Variants in CADM2 observed in about 807,000 individuals in gnomAD.
The protein encoded by CADM2 is cell adhesion molecule 2.
CADM2 carries 12 observed loss-of-function variants against 49.8 expected under a neutral mutation model. The observed-to-expected ratio is 0.24, with a 90% CI of 0.15 to 0.39. The LOEUF is 0.39. Ranked by LOEUF, CADM2 falls within the 10% of genes least tolerant of loss-of-function variation. CADM2 has a pLI of 1.00. For synonymous variants in CADM2, 214 were observed against 175.4 expected (o/e 1.22, Z -1.74); for missense variants, 378 against 492.3 (o/e 0.77, Z 2.20).
In CADM2 at chr3:85,509,949, C is replaced by A. The variant is rs978928724; in HGVS notation, c.62-216573C>A. 2.0e-5 allele frequency among the ~76,000 whole-genome samples: 3 copies of A among 151,986 alleles called. No individual in the cohort carries two copies. In the East Asian group the frequency reaches 5.8e-4, roughly 29 times the overall value. On this transcript the variant is annotated intron_variant, in intron 1 of 9. Coordinates refer to ENST00000383699, the MANE Select transcript of CADM2 (RefSeq NM_001167675.2). ...CACAGAGTGCCAATATTCCTATAATCATGGTAATAATAATTTAGAATATGC... is the reference window on the plus strand; with the variant it reads ...CACAGAGTGCCAATATTCCTATAATAATGGTAATAATAATTTAGAATATGC...
Position 85,599,422 on chromosome 3 carries a change from G to A in CADM2, c.62-127100G>A, listed in dbSNP as rs72911218. ...ATCATTTCACATAGTGTTAGCCATC[G>A]AGCACAAGGTCACACAGCTGGTAGC... is the stretch of plus-strand genomic sequence containing the variant. On this transcript the variant is annotated intron_variant, in intron 1 of 9. Coordinates refer to ENST00000383699, the MANE Select transcript of CADM2 (RefSeq NM_001167675.2). 3.8e-3 allele frequency among the ~76,000 whole-genome samples: 580 copies of A among 151,992 alleles called. 8 individuals are homozygous for A. The highest frequency in any genetic ancestry group is 0.013 in the African/African-American group (536 of 41,508).
intron 1 of CADM2, among the ~76,000 whole-genome samples, chr3:85,187,918 G>A (rs2041103235): frequency 2.6e-5 from 4 of 151,776 alleles, no homozygotes; most frequent in African/African-American, 9.7e-5. Context: ...AATTTAATTA[G>A]GAGTGTTTTC....
chr3:85,404,574 G>T (rs1159504466), intron 1 of CADM2, among the ~76,000 whole-genome samples: 1 of 151,828 alleles, frequency 6.6e-6, no homozygotes, highest in Non-Finnish European at 1.5e-5. Context: ...ATTAATTTCA[G>T]GAAAAATAAT....
chr3:85,537,148 T>C (rs1046515734), intron 1 of CADM2, among the ~76,000 whole-genome samples: 3 of 152,134 alleles, frequency 2.0e-5, no homozygotes, highest in African/African-American at 7.2e-5. Context: ...AGAAACAGTA[T>C]ACTTAGTTCT....
intron 8 of CADM2, chr3:85,979,094 T>C: frequency 6.5e-7 from 1 of 1,532,520 alleles, no homozygotes; most frequent in Non-Finnish European, 8.9e-7. Flanking sequence ...GTATTTATAA[T>C]TTGAATCATT....
At chr3:86,064,328 G>C (rs1553732493) in intron 8 of CADM2, among the ~76,000 whole-genome samples, 2 of 152,040 alleles carry the variant, frequency 1.3e-5, no homozygotes, top group Non-Finnish European at 2.9e-5. Context: ...CCTTGCGATA[G>C]TTTGCTGAGA....
intron 3 of CADM2, among the ~76,000 whole-genome samples, chr3:85,841,841 C>G (rs1261059146): frequency 1.3e-5 from 2 of 151,876 alleles, no homozygotes; most frequent in Non-Finnish European, 2.9e-5. Flanking sequence ...CTTTCTGTGA[C>G]TGAATTTCAA....
intron 1 of CADM2, among the ~76,000 whole-genome samples, chr3:85,017,259 GA>G (rs2107278170): frequency 6.6e-6 from 1 of 152,308 alleles, no homozygotes; most frequent in African/African-American, 2.4e-5. Flanking sequence ...ACTCTTCCAA[GA>G]AGTGTAGGTG....
chr3:85,121,353 G>A (rs893178183), intron 1 of CADM2, among the ~76,000 whole-genome samples: 15 of 152,148 alleles, frequency 9.9e-5, no homozygotes, highest in Non-Finnish European at 1.9e-4. Flanking sequence ...GGGAAAAACA[G>A]GAAAGGAAAA....
At chr3:84,959,931 T>C (rs1223902030) in intron 1 of CADM2, among the ~76,000 whole-genome samples, 1 of 152,010 alleles carries the variant, frequency 6.6e-6, no homozygotes, top group Non-Finnish European at 1.5e-5. Context: ...GCTTCCTTCA[T>C]CTCACTCCAT....
chr3:85,849,572 A>T (rs969897425), intron 3 of CADM2, among the ~76,000 whole-genome samples: 12 of 152,214 alleles, frequency 7.9e-5, no homozygotes, highest in Admixed American at 3.9e-4. Flanking sequence ...TTTTTATTTT[A>T]TTAGAAATAA....
At chr3:85,021,102 G>A (rs1471068134) in intron 1 of CADM2, among the ~76,000 whole-genome samples, 1 of 122,016 alleles carries the variant, frequency 8.2e-6, no homozygotes, top group African/African-American at 3.2e-5. Context: ...GGGTGACAGA[G>A]TGAGACCCTG....
chr3:85,001,309 T>C (rs2033449872), intron 1 of CADM2, among the ~76,000 whole-genome samples: 1 of 152,072 alleles, frequency 6.6e-6, no homozygotes, highest in Admixed American at 6.6e-5. Context: ...ATTCTATTTT[T>C]AATATTTTAG....
intron 1 of CADM2, among the ~76,000 whole-genome samples, chr3:85,550,898 C>G (rs1232535108): frequency 6.6e-6 from 1 of 152,164 alleles, no homozygotes; most frequent in Non-Finnish European, 1.5e-5. Context: ...ATGGCTTTCC[C>G]AAATTTGTTA....
At chr3:85,746,767 T>C (rs2068639250) in intron 2 of CADM2, among the ~76,000 whole-genome samples, 1 of 152,064 alleles carries the variant, frequency 6.6e-6, no homozygotes, top group African/African-American at 2.4e-5. Context: ...GGGGTAACTC[T>C]CCCCAAGCTG....
At chr3:85,212,896 C>CTTTCTTTCTTTT (rs1559723958) in intron 1 of CADM2, among the ~76,000 whole-genome samples, 10 of 117,974 alleles carry the variant, frequency 8.5e-5, no homozygotes, top group African/African-American at 4.3e-4. Context: ...CTCTTTCTTT[C>CTTTCTTTCTTTT]TTTTAATGGA....
chr3:85,088,838 C>T (rs190495269), intron 1 of CADM2, among the ~76,000 whole-genome samples: 2 of 152,086 alleles, frequency 1.3e-5, no homozygotes, highest in African/African-American at 2.4e-5. Flanking sequence ...TAATTATCTC[C>T]ATTGATAATT....
chr3:85,772,883 GTT>G (rs11326310), intron 2 of CADM2, among the ~76,000 whole-genome samples: 22,000 of 140,514 alleles, frequency 0.16, 2,054 homozygotes, highest in Non-Finnish European at 0.21. Context: ...TTCATTTCCA[GTT>G]TTTTTTTTTT....
chr3:85,644,396 G>A (rs954829697), intron 1 of CADM2, among the ~76,000 whole-genome samples: 5 of 152,096 alleles, frequency 3.3e-5, no homozygotes, highest in African/African-American at 4.8e-5. Flanking sequence ...CCACACTGGG[G>A]TTTAGGGCTT....
Sources: gnomAD v4.1 joint callset for allele counts (sites outside exome capture counted in the v4.1 genomes callset) on GRCh38, gnomAD v4.1.1 for gene constraint, MANE v1.5 for transcripts, NCBI Gene and HGNC (gene_info 2026-07-23, HGNC 2026-07-21) for gene names.